The following DGKG variants were observed in gnomAD, a reference collection of about 807,000 sequenced individuals.
The protein encoded by DGKG is diacylglycerol kinase gamma.
Under a neutral mutation model 105.3 loss-of-function variants are expected in DGKG, and 78 were observed. That is an observed-to-expected ratio of 0.74 (90% CI 0.62 to 0.89). DGKG has a LOEUF of 0.89. DGKG is among the 40% of genes least tolerant of loss of function. DGKG has a pLI of 0.00. For synonymous variants in DGKG, 346 were observed against 367.1 expected, an observed-to-expected ratio of 0.94 and a Z score of 0.66; for missense variants, 958 against 1,020.1, an observed-to-expected ratio of 0.94 and a Z score of 0.83.
Position 186,333,245 on chromosome 3 carries a change from C to A in DGKG, c.-248-12538G>T, listed in dbSNP as rs563414684. Reference sequence around the variant, plus strand: ...TGTTAGGAAGGCAAATTCTTGGAACCCGCACCAGAGCTAGAGAAATTCAGG... The same window carrying A: ...TGTTAGGAAGGCAAATTCTTGGAACACGCACCAGAGCTAGAGAAATTCAGG... On this transcript the variant is annotated intron_variant, in intron 1 of 24. Coordinates refer to ENST00000265022, the MANE Select transcript of DGKG (RefSeq NM_001346.3). 6.6e-5 allele frequency among the ~76,000 whole-genome samples: 10 copies of A among 152,304 alleles called. No individual in the cohort carries two copies. In the South Asian group the frequency reaches 1.9e-3, roughly 28 times the overall value.
chr3:186,212,676 G>A (rs758420850), intron 20 of DGKG, among the ~76,000 whole-genome samples: 4 of 152,164 alleles, frequency 2.6e-5, no homozygotes, highest in Non-Finnish European at 4.4e-5. Flanking sequence ...GTCAGATGGT[G>A]TGTCCTGACA....
intron 8 of DGKG, among the ~76,000 whole-genome samples, 189 bp downstream of exon 8, chr3:186,280,481 C>T (rs952880880): frequency 6.6e-5 from 10 of 152,164 alleles, no homozygotes; most frequent in Non-Finnish European, 7.3e-5. Context: ...TATGTCTGCA[C>T]GTTTTCCTGC....
chr3:186,224,820 A>G (rs1210638998), intron 20 of DGKG, among the ~76,000 whole-genome samples: 1 of 148,850 alleles, frequency 6.7e-6, no homozygotes, highest in Admixed American at 6.8e-5. Flanking sequence ...ATGCTGGAAG[A>G]AGACAATCTG....
At chr3:186,327,406 A>ATTT (rs1725396520) in intron 1 of DGKG, among the ~76,000 whole-genome samples, 5 of 114,284 alleles carry the variant, frequency 4.4e-5, no homozygotes, top group Non-Finnish European at 7.0e-5. Flanking sequence ...TTTTTTTTTG[A>ATTT]GGCGTGGTTT....
intron 20 of DGKG, among the ~76,000 whole-genome samples, chr3:186,216,034 T>C (rs1369105530): frequency 6.6e-6 from 1 of 151,630 alleles, no homozygotes; most frequent in Non-Finnish European, 1.5e-5. Context: ...AGTCTCATTC[T>C]GCCTCCCAGG....
At chr3:186,339,111 A>G (rs1360165998) in intron 1 of DGKG, among the ~76,000 whole-genome samples, 2 of 152,232 alleles carry the variant, frequency 1.3e-5, no homozygotes, top group African/African-American at 4.8e-5. Flanking sequence ...TAGTTAGTTT[A>G]TCCTTTCCTA....
intron 10 of DGKG, among the ~76,000 whole-genome samples, chr3:186,275,036 C>A (rs1722514093): frequency 6.6e-6 from 1 of 152,184 alleles, no homozygotes; most frequent in African/African-American, 2.4e-5. Context: ...TCTCCACATC[C>A]TTTCCAGCAC....
chr3:186,240,723 T>A (rs201597340), intron 20 of DGKG, among the ~76,000 whole-genome samples: 1 of 151,238 alleles, frequency 6.6e-6, no homozygotes, highest in Non-Finnish European at 1.5e-5. Context: ...GACGGAAGAA[T>A]TGTTTGAACC....
chr3:186,343,601 T>C (rs1228096137), intron 1 of DGKG, among the ~76,000 whole-genome samples: 1 of 152,152 alleles, frequency 6.6e-6, no homozygotes, highest in African/African-American at 2.4e-5. Flanking sequence ...ATTTTTATTA[T>C]CAAAAAAGTG....
At chr3:186,273,378 T>C (rs1364127303) in intron 10 of DGKG, among the ~76,000 whole-genome samples, 14 of 140,358 alleles carry the variant, frequency 1.0e-4, no homozygotes, top group Non-Finnish European at 1.2e-4. Context: ...TTTTTTTTTT[T>C]TTTTTTTTTT....
intron 1 of DGKG, among the ~76,000 whole-genome samples, chr3:186,357,620 C>T (rs1727035859): frequency 6.6e-6 from 1 of 152,150 alleles, no homozygotes; most frequent in African/African-American, 2.4e-5. Flanking sequence ...CAGAACATAG[C>T]CCAATGTGGG....
intron 16 of DGKG, 152 bp downstream of exon 16, chr3:186,260,287 G>A: frequency 3.1e-6 from 2 of 647,672 alleles, no homozygotes; most frequent in Middle Eastern, 2.7e-4. Flanking sequence ...AGGAGTCAGA[G>A]TCAGACGTGA....
At chr3:186,243,464 G>A (rs1490397821) in intron 19 of DGKG, among the ~76,000 whole-genome samples, 2 of 152,076 alleles carry the variant, frequency 1.3e-5, no homozygotes, top group Non-Finnish European at 2.9e-5. Context: ...ACTCCACACC[G>A]TGGCCATCTC....
chr3:186,228,573 T>C (rs1719969629), intron 20 of DGKG, among the ~76,000 whole-genome samples: 1 of 151,884 alleles, frequency 6.6e-6, no homozygotes, highest in African/African-American at 2.4e-5. Context: ...CTGCAACTGC[T>C]CCCCCCGCCT....
At chr3:186,258,447 C>A (rs2108570209) in intron 16 of DGKG, among the ~76,000 whole-genome samples, 1 of 152,294 alleles carries the variant, frequency 6.6e-6, no homozygotes, top group Middle Eastern at 3.4e-3. Context: ...GGTCCACCAA[C>A]CTCCAAGGGT....
At chr3:186,308,790 G>A (rs1380348142) in intron 2 of DGKG, among the ~76,000 whole-genome samples, 7 of 152,264 alleles carry the variant, frequency 4.6e-5, no homozygotes, top group Middle Eastern at 3.4e-3. Context: ...GGTAAGATGC[G>A]GCAAGATACT....
intron 22 of DGKG, among the ~76,000 whole-genome samples, chr3:186,179,632 A>C (rs1560082893): frequency 6.6e-6 from 1 of 152,228 alleles, no homozygotes; most frequent in Non-Finnish European, 1.5e-5. Context: ...GCATCTGAGA[A>C]CCACGTTGAA....
In DGKG at chr3:186,223,011, CTATATATATATA is replaced by C. The variant is rs55753193; in HGVS notation, c.1827-11138_1827-11127del. Among the ~76,000 whole-genome samples the C allele has an allele frequency of 1.5e-4, 12 of 80,542 alleles. 1 individual carries two copies. The Admixed American group carries it at 1.5e-3, about 10-fold the overall frequency. 52.8% of individuals were successfully genotyped at this position (80,542 alleles called of 152,430 possible). A position where few individuals can be genotyped will look rare whatever the true frequency, so the allele number is the denominator to read the frequency against. On this transcript the variant is annotated intron_variant, in intron 20 of 24. Transcript: ENST00000265022. ...AAGAATACACACACGTGTATGTATA[CTATATATATATA>C]TATATATATATGTCTCATGATATAC...
At chr3:186,158,333 T>G in intron 24 of DGKG, 2 of 941,478 alleles carry the variant, frequency 2.1e-6, no homozygotes, top group Non-Finnish European at 2.5e-6. Context: ...TTAGGCTATA[T>G]TCTATAATTT....
Sources: gnomAD v4.1 joint callset for allele counts (sites outside exome capture counted in the v4.1 genomes callset) on GRCh38, gnomAD v4.1.1 for gene constraint, MANE v1.5 for transcripts, NCBI Gene and HGNC (gene_info 2026-07-23, HGNC 2026-07-21) for gene names.